The following DOCK8 variants were observed in gnomAD, a reference collection of about 807,000 sequenced individuals.
DOCK8 encodes dedicator of cytokinesis 8.
In DOCK8, 141 loss-of-function variants were observed where a neutral mutation model predicts 245.6. That is an observed-to-expected ratio of 0.57 (90% CI 0.50 to 0.66). The LOEUF is 0.66. Ranked by LOEUF, DOCK8 falls within the 30% of genes least tolerant of loss-of-function variation. The pLI, the probability that DOCK8 is intolerant of heterozygous loss-of-function variation, is 0.00. For synonymous variants in DOCK8, 1,168 were observed against 970.2 expected (o/e 1.20, Z -3.79); for missense variants, 2,965 against 2,603.4 (o/e 1.14, Z -3.02).
chr9:257,410 A>G (rs114446976), intron 1 of DOCK8, among the ~76,000 whole-genome samples: 339 of 152,340 alleles, frequency 2.2e-3, no homozygotes, highest in African/African-American at 7.4e-3. Context: ...GAAGGCTGGC[A>G]GGTAGAGCTG....
intron 2 of DOCK8, among the ~76,000 whole-genome samples, chr9:275,914 G>T (rs559504330): frequency 6.9e-6 from 1 of 145,748 alleles, no homozygotes; most frequent in African/African-American, 2.5e-5. Context: ...TTTTTGTAAT[G>T]GAATTTCCCT....
Position 400,953 on chromosome 9 carries a change from C to A in DOCK8, c.3234+1694C>A, listed in dbSNP as rs1224654798. ...ACAACATCCACCACCACCATCACCACCACCACCACCACCTCCTCCACCATC... is the reference window on the plus strand; with the variant it reads ...ACAACATCCACCACCACCATCACCAACACCACCACCACCTCCTCCACCATC... On this transcript the variant is annotated intron_variant, in intron 26 of 47. Coordinates refer to ENST00000432829, the MANE Select transcript of DOCK8 (RefSeq NM_203447.4). 2.4e-3 allele frequency among the ~76,000 whole-genome samples: 162 copies of A among 67,958 alleles called. 64 individuals carry two copies. In the African/African-American group the frequency reaches 0.058, roughly 24 times the overall value. The allele number at this position is 67,958 out of a possible 152,430, so 44.6% of individuals were successfully genotyped here.
chr9:334,274 A>T lies in DOCK8; in HGVS notation c.1175A>T (p.Gln392Leu). Residue 392 changes from glutamine (Q) to leucine (L), a missense_variant, in exon 11 of 48, where the codon CAG becomes CTG. Physicochemically the swap from Gln to Leu is moderately radical, Grantham distance 113. Coordinates refer to ENST00000432829, the MANE Select transcript of DOCK8 (RefSeq NM_203447.4). ...KLKLQAESFC[Q>L]RLGKYRMPFA... ...AAACTCCAAGCTGAATCCTTCTGCC[A>T]GCGTTTGGGGAAATACCGGATGCCC... is the stretch of plus-strand genomic sequence containing the variant. 1 of 1,614,242 alleles carries T rather than the reference A, an allele frequency of 6.2e-7. No homozygotes were observed. The highest frequency in any genetic ancestry group is 8.5e-7 in the Non-Finnish European group (1 of 1,180,032).
At chr9:330,029 C>G (rs2050937519) in intron 9 of DOCK8, among the ~76,000 whole-genome samples, 1 of 152,120 alleles carries the variant, frequency 6.6e-6, no homozygotes, top group African/African-American at 2.4e-5. Flanking sequence ...TTAGCACATC[C>G]AGGCAGACAT....
chr9:342,767 C>G (rs1160939353), intron 14 of DOCK8, among the ~76,000 whole-genome samples: 2 of 152,176 alleles, frequency 1.3e-5, no homozygotes, highest in Non-Finnish European at 2.9e-5. Flanking sequence ...CATGCCCATC[C>G]TGTTATTCCT....
chr9:279,715 A>G (rs1163029793), intron 2 of DOCK8, among the ~76,000 whole-genome samples: 1 of 152,242 alleles, frequency 6.6e-6, no homozygotes, highest in East Asian at 1.9e-4. Context: ...TGACTTTGAC[A>G]AGGCTTGTCT....
chr9:456,257 A>G (rs2057637389), intron 46 of DOCK8: 1 of 152,232 alleles, frequency 6.6e-6, no homozygotes, highest in Admixed American at 6.5e-5. Flanking sequence ...CTCAAGTCCA[A>G]TCTGGAAGTT....
intron 1 of DOCK8, among the ~76,000 whole-genome samples, chr9:242,247 C>G (rs76652908): frequency 0.054 from 8,170 of 152,186 alleles, 239 homozygotes; most frequent in South Asian, 0.07. Context: ...TCACCACCCC[C>G]CAAAAAATGA....
At chr9:431,396 C>T (rs1002872871) in intron 36 of DOCK8, among the ~76,000 whole-genome samples, 2 of 152,122 alleles carry the variant, frequency 1.3e-5, no homozygotes, top group South Asian at 4.1e-4. Flanking sequence ...AAAGACATTC[C>T]TCAGGGGACC....
intron 27 of DOCK8, among the ~76,000 whole-genome samples, chr9:406,091 A>G (rs1410565677): frequency 6.6e-6 from 1 of 152,208 alleles, no homozygotes; most frequent in East Asian, 1.9e-4. Context: ...CAGGATACAA[A>G]TACAGGACAG....
chr9:451,503 G>T (rs1343433176), intron 45 of DOCK8, among the ~76,000 whole-genome samples: 1 of 151,670 alleles, frequency 6.6e-6, no homozygotes, highest in Non-Finnish European at 1.5e-5. Context: ...CACACCTGTA[G>T]TCTCAGCTAC....
At chr9:228,536 T>A (rs555332325) in intron 1 of DOCK8, among the ~76,000 whole-genome samples, 1 of 152,298 alleles carries the variant, frequency 6.6e-6, no homozygotes, top group South Asian at 2.1e-4. Flanking sequence ...TTTTTCTGTT[T>A]ACAAACCACC....
Position 418,170 on chromosome 9 carries a change from T to G in DOCK8, c.3803T>G (p.Phe1268Cys), listed in dbSNP as rs2056112874. ...NVALAIAGNN[F>C]NLKTSGIVLS... ...GCTCTGGCCATAGCAGGGAATAATT[T>G]CAATTTGAAAACAAGTGGAATAGTG... Residue 1268 changes from phenylalanine (F) to cysteine (C), a missense_variant, in exon 30 of 48, where the codon TTC becomes TGC. Coordinates refer to ENST00000432829, the MANE Select transcript of DOCK8 (RefSeq NM_203447.4). 1 of 1,614,118 alleles carries G rather than the reference T, an allele frequency of 6.2e-7. No individual in the cohort carries two copies. The highest frequency in any genetic ancestry group is 1.3e-5 in the African/African-American group (1 of 74,944).
chr9:360,713 C>G (rs574811404), intron 14 of DOCK8, among the ~76,000 whole-genome samples: 3 of 152,224 alleles, frequency 2.0e-5, no homozygotes, highest in East Asian at 3.9e-4. Flanking sequence ...GTTCATAGAT[C>G]CTAGGTGCTG....
Position 286,748 on chromosome 9 carries a change from A to G in DOCK8, c.332+112A>G, listed in dbSNP as rs973061137. On this transcript the variant is annotated intron_variant, in intron 3 of 47. Coordinates refer to ENST00000432829, the MANE Select transcript of DOCK8 (RefSeq NM_203447.4). ...CTTAAAAATAAAATAAAATTACTCA[A>G]TCCATTCAAATGTGTGGGACAGCTA... 6.1e-5 allele frequency: 61 copies of G among 1,002,744 alleles called. 2 individuals carry two copies. In the Admixed American group the frequency reaches 9.6e-4, roughly 16 times the overall value. 62.1% of individuals were successfully genotyped at this position (1,002,744 alleles called of 1,614,324 possible).
At chr9:450,852 T>G (rs75341393) in intron 45 of DOCK8, among the ~76,000 whole-genome samples, 1 of 151,334 alleles carries the variant, frequency 6.6e-6, no homozygotes, top group Non-Finnish European at 1.5e-5. Context: ...CCAGCAGTTA[T>G]GCAAAATGAT....
chr9:426,468 TC>T (rs2131688165), intron 33 of DOCK8, among the ~76,000 whole-genome samples: 1 of 152,320 alleles, frequency 6.6e-6, no homozygotes, highest in South Asian at 2.1e-4. Flanking sequence ...ACATCCAGTC[TC>T]ACTCTCTCTC....
intron 7 of DOCK8, among the ~76,000 whole-genome samples, chr9:323,676 C>T (rs2050625355): frequency 2.0e-5 from 3 of 152,172 alleles, no homozygotes; most frequent in Admixed American, 6.5e-5. Flanking sequence ...TCTCCCTACT[C>T]CCCAGCCCCT....
chr9:226,455 A>G lies in DOCK8; in HGVS notation c.53+11426A>G, dbSNP rs137923221. The stretch of plus-strand genomic sequence containing the variant: ...ATTGACTTTTGTGTTTAAAAGATCT[A>G]TTGTACAAAGAAGCAAGGAAACCAG... On this transcript the variant is annotated intron_variant, in intron 1 of 47. Transcript: ENST00000432829. Among the ~76,000 whole-genome samples the G allele has an allele frequency of 6.9e-4, 105 of 152,256 alleles. 1 individual carries two copies. Among genetic ancestry groups the G allele is most frequent in the African/African-American group, 2.5e-3 (102 of 41,552 alleles).
Sources: allele counts gnomAD v4.1 joint callset (sites outside exome capture counted in the v4.1 genomes callset), GRCh38; gene constraint gnomAD v4.1.1; transcripts MANE v1.5; gene names NCBI Gene and HGNC (gene_info 2026-07-23, HGNC 2026-07-21).